COMMD7: variants seen among roughly 807,000 people sequenced by gnomAD.
The protein encoded by COMMD7 is COMM domain-containing protein 7.
A neutral mutation model predicts 34.8 loss-of-function variants in COMMD7; 28 were observed. The observed-to-expected ratio is 0.80, with a 90% CI of 0.60 to 1.10. The LOEUF is 1.10. COMMD7 is among the 50% of genes least tolerant of loss of function. The probability of loss-of-function intolerance (pLI) is 0.00; values close to 1 mark genes in which losing one functional copy is unlikely to be tolerated. For synonymous variants in COMMD7, 80 were observed against 86.4 expected, an observed-to-expected ratio of 0.93 and a Z score of 0.41; for missense variants, 211 against 241.6, an observed-to-expected ratio of 0.87 and a Z score of 0.84.
At chr20:32,737,637 T>G (rs1230447994) in intron 1 of COMMD7, among the ~76,000 whole-genome samples, 1 of 151,346 alleles carries the variant, frequency 6.6e-6, no homozygotes, top group Non-Finnish European at 1.5e-5. Context: ...CAGACCAACC[T>G]AGGCAACAAA....
chr20:32,743,167 TCA>T, intron 1 of COMMD7, 139 bp downstream of exon 1: 1 of 675,714 alleles, frequency 1.5e-6, no homozygotes, highest in Non-Finnish European at 2.3e-6. Flanking sequence ...CGAACCCACC[TCA>T]CACACCCCAA....
intron 1 of COMMD7, among the ~76,000 whole-genome samples, chr20:32,740,949 C>A (rs1196099007): frequency 6.6e-6 from 1 of 151,900 alleles, no homozygotes; most frequent in African/African-American, 2.4e-5. Context: ...TCGTGACCAG[C>A]CTGGCCAACA....
At chr20:32,741,851 G>A (rs765881758) in intron 1 of COMMD7, among the ~76,000 whole-genome samples, 20 of 152,208 alleles carry the variant, frequency 1.3e-4, no homozygotes, top group Admixed American at 2.6e-4. Flanking sequence ...TATATCCTAG[G>A]GTGCAGTAGG....
chr20:32,724,728 G>C (rs1985410720), intron 3 of COMMD7, among the ~76,000 whole-genome samples: 1 of 10,538 alleles, frequency 9.5e-5, no homozygotes, highest in Non-Finnish European at 2.9e-4. Context: ...TTGTTAAACA[G>C]ATGCTTGAAG....
rs189675904 is a variant in COMMD7, at chr20:32,719,095, G to C, written c.241+8798C>G. On this transcript the variant is annotated intron_variant, in intron 3 of 8. Coordinates refer to ENST00000278980, the MANE Select transcript of COMMD7 (RefSeq NM_053041.3). ...CTGATGAGGGCCTGGAGGCTCTTAC[G>C]TTGCAGATTAGATTAGGAAAGGCCT... is the stretch of plus-strand genomic sequence containing the variant. Among the ~76,000 whole-genome samples, 330 of 152,318 alleles carry C rather than the reference G, an allele frequency of 2.2e-3. 4 individuals carry two copies. The highest frequency in any genetic ancestry group is 7.7e-3 in the African/African-American group (319 of 41,576).
chr20:32,712,611 T>TC (rs1385169429), intron 3 of COMMD7, among the ~76,000 whole-genome samples: 1 of 64,454 alleles, frequency 1.6e-5, no homozygotes, highest in Admixed American at 1.2e-4. Context: ...CCCCAGACCT[T>TC]TAAAAAAAAA....
intron 1 of COMMD7, among the ~76,000 whole-genome samples, chr20:32,735,439 C>T (rs1283000867): frequency 6.6e-6 from 1 of 151,494 alleles, no homozygotes; most frequent in Admixed American, 6.6e-5. Flanking sequence ...TCCTCAGCCT[C>T]CTGAGTAGCT....
chr20:32,706,266 C>T (rs1295253181), intron 5 of COMMD7, among the ~76,000 whole-genome samples: 1 of 151,388 alleles, frequency 6.6e-6, no homozygotes, highest in Admixed American at 6.6e-5. Context: ...GTAATCCCAG[C>T]ACTTTGGGAG....
intron 1 of COMMD7, among the ~76,000 whole-genome samples, chr20:32,732,979 G>C (rs1985927093): frequency 6.6e-6 from 1 of 150,892 alleles, no homozygotes; most frequent in South Asian, 2.1e-4. Context: ...GCTCACATCT[G>C]TAATCCCAGC....
chr20:32,736,842 C>T (rs1005418820), intron 1 of COMMD7, among the ~76,000 whole-genome samples: 4 of 152,110 alleles, frequency 2.6e-5, no homozygotes, highest in African/African-American at 9.7e-5. Context: ...AAGTTCTAGA[C>T]CAGCCTGGGC....
chr20:32,742,834 G>C (rs1021561914), intron 1 of COMMD7, among the ~76,000 whole-genome samples: 1 of 151,884 alleles, frequency 6.6e-6, no homozygotes, highest in African/African-American at 2.4e-5. Context: ...TCAGATTCTC[G>C]GGCCCTCCCA....
At chr20:32,714,706 C>A (rs1024925901) in intron 3 of COMMD7, among the ~76,000 whole-genome samples, 1 of 152,024 alleles carries the variant, frequency 6.6e-6, no homozygotes, top group Non-Finnish European at 1.5e-5. Flanking sequence ...TGGCTGTAGT[C>A]CCAGCTACTC....
chr20:32,720,371 TG>T lies in COMMD7; in HGVS notation c.241+7521del, dbSNP rs1196949545. ...TTAGCCGGGCATGGTGGCACATGCC[TG>T]TAATCCCAGCTACTCGGGAGGCTGA... On this transcript the variant is annotated intron_variant, in intron 3 of 8. Coordinates refer to ENST00000278980, the MANE Select transcript of COMMD7 (RefSeq NM_053041.3). Among the ~76,000 whole-genome samples the T allele has an allele frequency of 1.4e-4, 21 of 152,150 alleles. 1 individual carries two copies. The highest frequency in any genetic ancestry group is 6.6e-5 in the Admixed American group (1 of 15,252).
In COMMD7 at chr20:32,743,450, TCCGCTGCCGCTGCCA is replaced by T. The variant is rs1233847876; in HGVS notation, c.-74_-60del. 1.7e-6 allele frequency: 2 copies of T among 1,197,896 alleles called. No homozygotes were observed. The highest frequency in any genetic ancestry group is 2.1e-6 in the Non-Finnish European group (2 of 939,232). The allele number at this position is 1,197,896 out of a possible 1,614,324, so 74.2% of individuals were successfully genotyped here. A position where few individuals can be genotyped will look rare whatever the true frequency, so the allele number is the denominator to read the frequency against. On this transcript the variant is annotated 5_prime_UTR_variant, in exon 1 of 9. Coordinates refer to ENST00000278980, the MANE Select transcript of COMMD7 (RefSeq NM_053041.3). ...GCCGCCGCCCTGCTCAGCTTCCTCCTCCGCTGCCGCTGCCACCGCTGCCGGCCTCTCCGCGCATCC... is the reference window on the plus strand; with the variant it reads ...GCCGCCGCCCTGCTCAGCTTCCTCCTCCGCTGCCGGCCTCTCCGCGCATCC...
intron 1 of COMMD7, among the ~76,000 whole-genome samples, chr20:32,734,402 G>A (rs1431440015): frequency 6.6e-6 from 1 of 151,444 alleles, no homozygotes. Flanking sequence ...AACCCGGGAG[G>A]TGGAGGTTGC....
intron 3 of COMMD7, among the ~76,000 whole-genome samples, chr20:32,707,654 T>C (rs375739861): frequency 6.6e-6 from 1 of 151,630 alleles, no homozygotes; most frequent in East Asian, 2.0e-4. Context: ...AACACAATTA[T>C]TTATCCCTCC....
At chr20:32,713,464 G>A (rs949104991) in intron 3 of COMMD7, among the ~76,000 whole-genome samples, 4 of 152,192 alleles carry the variant, frequency 2.6e-5, no homozygotes, top group African/African-American at 9.6e-5. Context: ...TTGCCAAGAC[G>A]GTTGGAAAAA....
intron 5 of COMMD7, 134 bp downstream of exon 5, chr20:32,706,449 G>A (rs1600963911): frequency 2.9e-6 from 2 of 679,920 alleles, no homozygotes; most frequent in East Asian, 5.4e-5. Context: ...AGAGGCAGAG[G>A]TTGTGGTGAG....
intron 5 of COMMD7, 106 bp from the exon 6 acceptor site, chr20:32,705,010 G>T: frequency 1.2e-6 from 1 of 806,890 alleles, no homozygotes; most frequent in Non-Finnish European, 2.1e-6. Flanking sequence ...TAGTGGGGAG[G>T]GTGCAGAAGA....
Sources: allele counts gnomAD v4.1 joint callset (sites outside exome capture counted in the v4.1 genomes callset), GRCh38; gene constraint gnomAD v4.1.1; transcripts MANE v1.5; gene names NCBI Gene and HGNC (gene_info 2026-07-23, HGNC 2026-07-21).